PCDH15: variants seen among roughly 807,000 people sequenced by gnomAD.
PCDH15 encodes the protein protocadherin-15.
Under a neutral mutation model 178.5 loss-of-function variants are expected in PCDH15, and 129 were observed. The ratio of observed to expected loss-of-function variants is 0.72; its 90% CI spans 0.63 to 0.84. The LOEUF is 0.84. Among genes scored for constraint, PCDH15 ranks in the 40% least tolerant of loss-of-function variants. The pLI, the probability that PCDH15 is intolerant of heterozygous loss-of-function variation, is 0.00. For synonymous variants in PCDH15, 800 were observed against 732.0 expected (o/e 1.09, Z -1.50); for missense variants, 2,230 against 2,099.9 (o/e 1.06, Z -1.21).
intron 3 of PCDH15, among the ~76,000 whole-genome samples, chr10:54,844,271 CAG>C (rs954843997): frequency 8.6e-5 from 13 of 151,942 alleles, no homozygotes; most frequent in Admixed American, 5.9e-4. Flanking sequence ...AGGGGAGAGA[CAG>C]AGACAGAGAA....
intron 21 of PCDH15, among the ~76,000 whole-genome samples, chr10:53,989,091 G>A (rs549581478): frequency 1.9e-4 from 29 of 152,240 alleles, no homozygotes; most frequent in African/African-American, 6.5e-4. Context: ...TTAAACAGTT[G>A]GCCGCCTATG....
intron 26 of PCDH15, among the ~76,000 whole-genome samples, chr10:53,873,707 C>T (rs2080028392): frequency 6.6e-6 from 1 of 152,140 alleles, no homozygotes; most frequent in South Asian, 2.1e-4. Flanking sequence ...ATATGCCAGT[C>T]AAAAACAAAG....
intron 2 of PCDH15, chr10:55,469,307 T>G (rs1021688770): frequency 6.6e-6 from 1 of 152,162 alleles, no homozygotes; most frequent in Non-Finnish European, 1.5e-5. Context: ...TTATAGCTTT[T>G]TGTGCGTTAA....
chr10:54,242,209 T>C (rs1197279096), intron 8 of PCDH15, among the ~76,000 whole-genome samples: 6 of 125,714 alleles, frequency 4.8e-5, no homozygotes, highest in South Asian at 2.9e-4. Context: ...CATACATACA[T>C]ACACATAATC....
In PCDH15 at chr10:54,339,251, A is replaced by T. The variant is rs145531019; in HGVS notation, c.594+7114T>A. On this transcript the variant is annotated intron_variant, in intron 6 of 37. Coordinates refer to ENST00000644397, the MANE Select transcript of PCDH15 (RefSeq NM_001384140.1). Reference sequence around the variant, plus strand: ...TGTAATTTGTGTGTGGCCCAAGACAATTCTTTTTCTTCCAGTGTGGCTCAG... The same window carrying T: ...TGTAATTTGTGTGTGGCCCAAGACATTTCTTTTTCTTCCAGTGTGGCTCAG... Among the ~76,000 whole-genome samples, 483 of 152,270 alleles carry T rather than the reference A, an allele frequency of 3.2e-3. 4 individuals are homozygous for T. Among genetic ancestry groups the T allele is most frequent in the Non-Finnish European group, 4.6e-3 (315 of 68,008 alleles).
chr10:55,081,784 A>G (rs1421033309), intron 2 of PCDH15, among the ~76,000 whole-genome samples: 2 of 152,172 alleles, frequency 1.3e-5, no homozygotes, highest in Non-Finnish European at 2.9e-5. Context: ...TTTATAAGCT[A>G]CTTAATTTAT....
chr10:54,481,308 G>A, intron 3 of PCDH15, among the ~76,000 whole-genome samples: 1 of 151,528 alleles, frequency 6.6e-6, no homozygotes, highest in East Asian at 1.9e-4. Context: ...TGGCGCTACT[G>A]GAAATTGCTT....
At chr10:54,247,833 A>T (rs999550751) in intron 8 of PCDH15, among the ~76,000 whole-genome samples, 3 of 150,058 alleles carry the variant, frequency 2.0e-5, no homozygotes, top group African/African-American at 7.4e-5. Context: ...GCACCACTGC[A>T]CTCCAGCCTG....
intron 3 of PCDH15, among the ~76,000 whole-genome samples, chr10:54,889,305 G>A (rs1954417992): frequency 6.6e-6 from 1 of 151,592 alleles, no homozygotes; most frequent in Admixed American, 6.6e-5. Context: ...GGATTGTTAG[G>A]GGGACTGAAT....
chr10:55,001,049 C>T, intron 2 of PCDH15, among the ~76,000 whole-genome samples: 1 of 152,162 alleles, frequency 6.6e-6, no homozygotes, highest in East Asian at 1.9e-4. Flanking sequence ...AAAGGAGCTA[C>T]CCACTATGCA....
At chr10:54,885,530 C>T (rs945201826) in intron 3 of PCDH15, among the ~76,000 whole-genome samples, 1 of 151,788 alleles carries the variant, frequency 6.6e-6, no homozygotes, top group African/African-American at 2.4e-5. Context: ...AAGAAAGGAA[C>T]AAAATAAATA....
At chr10:54,943,179 T>A in intron 2 of PCDH15, among the ~76,000 whole-genome samples, 1 of 151,990 alleles carries the variant, frequency 6.6e-6, no homozygotes, top group African/African-American at 2.4e-5. Flanking sequence ...AAAGCTACCT[T>A]TCTTTCTAGA....
At chr10:54,222,961 TTGA>T (rs1205694931) in intron 9 of PCDH15, among the ~76,000 whole-genome samples, 1 of 152,174 alleles carries the variant, frequency 6.6e-6, no homozygotes, top group African/African-American at 2.4e-5. Context: ...CGTTTTTACT[TTGA>T]TGAAGTCAAA....
intron 2 of PCDH15, among the ~76,000 whole-genome samples, chr10:54,548,941 T>G (rs558480525): frequency 1.4e-5 from 2 of 140,768 alleles, no homozygotes; most frequent in African/African-American, 5.0e-5. Context: ...GTATAGTTAA[T>G]GTTTTTCTAG....
At chr10:54,424,833 G>T (rs1956051459) in intron 3 of PCDH15, among the ~76,000 whole-genome samples, 1 of 139,398 alleles carries the variant, frequency 7.2e-6, no homozygotes, top group Non-Finnish European at 1.5e-5. Flanking sequence ...CACAGGAAGG[G>T]GAACATCACA....
At chr10:54,215,367 C>T (rs1381634906) in intron 9 of PCDH15, among the ~76,000 whole-genome samples, 4 of 152,000 alleles carry the variant, frequency 2.6e-5, no homozygotes, top group African/African-American at 7.3e-5. Flanking sequence ...AAACATATTT[C>T]ACACCATTAA....
At chr10:53,871,405 T>A (rs1409468250) in intron 26 of PCDH15, among the ~76,000 whole-genome samples, 5 of 151,464 alleles carry the variant, frequency 3.3e-5, no homozygotes, top group African/African-American at 1.2e-4. Flanking sequence ...AAGATAAAAA[T>A]AAGGATGCCC....
Position 55,124,791 on chromosome 10 carries a change from T to C in PCDH15, c.-80+41785A>G, listed in dbSNP as rs114532813. ...CTAACCCAATAAATTGTTGATCAAATTTTATGTACCCTTGGATAGAAAATA... is the reference window on the plus strand; with the variant it reads ...CTAACCCAATAAATTGTTGATCAAACTTTATGTACCCTTGGATAGAAAATA... On this transcript the variant is annotated intron_variant, in intron 2 of 5. Transcript: ENST00000458638. Among the ~76,000 whole-genome samples, 455 of 152,206 alleles carry C rather than the reference T, an allele frequency of 3.0e-3. 6 individuals are homozygous for C. The highest frequency in any genetic ancestry group is 7.6e-3 in the African/African-American group (317 of 41,552).
chr10:55,453,976 A>G (rs898406081), intron 2 of PCDH15, among the ~76,000 whole-genome samples: 1 of 152,184 alleles, frequency 6.6e-6, no homozygotes, highest in African/African-American at 2.4e-5. Flanking sequence ...AAGGAAAAAA[A>G]TGTTTTTTAC....
Sources: allele counts gnomAD v4.1 joint callset (sites outside exome capture counted in the v4.1 genomes callset), GRCh38; gene constraint gnomAD v4.1.1; transcripts MANE v1.5; gene names NCBI Gene and HGNC (gene_info 2026-07-23, HGNC 2026-07-21).